Variants in CHAT observed in about 807,000 individuals in gnomAD.
CHAT encodes acetyl CoA:choline O-acetyltransferase.
In CHAT, 61 loss-of-function variants were observed where a neutral mutation model predicts 76.9. The observed-to-expected ratio is 0.79, with a 90% CI of 0.65 to 0.98. CHAT has a LOEUF of 0.98. Ranked by LOEUF, CHAT falls within the 50% of genes least tolerant of loss-of-function variation. The probability of loss-of-function intolerance (pLI) is 0.00; values close to 1 mark genes in which losing one functional copy is unlikely to be tolerated. For missense variants in CHAT, 946 were observed against 986.9 expected, an observed-to-expected ratio of 0.96 and a Z score of 0.56; for synonymous variants, 407 against 397.4, an observed-to-expected ratio of 1.02 and a Z score of -0.29.
At chr10:49,611,445 CTA>C, upstream of CHAT, 1 of 1,598,278 alleles carries the variant, frequency 6.3e-7, no homozygotes, top group Non-Finnish European at 8.5e-7. Context: ...GGGGCATCCT[CTA>C]TGAGTTCGCC....
At chr10:49,617,336 T>C (rs1208329305) in intron 2 of CHAT, among the ~76,000 whole-genome samples, 1 of 152,162 alleles carries the variant, frequency 6.6e-6, no homozygotes, top group African/African-American at 2.4e-5. Flanking sequence ...ACCCACCCCA[T>C]TGGGCTGTGG....
At chr10:49,642,580 C>T (rs1292188020) in intron 7 of CHAT, among the ~76,000 whole-genome samples, 1 of 152,230 alleles carries the variant, frequency 6.6e-6, no homozygotes, top group Non-Finnish European at 1.5e-5. Flanking sequence ...TTGCATTGCC[C>T]AGTTAAAAAG....
At chr10:49,649,290 G>A (rs1284969884) in intron 9 of CHAT, among the ~76,000 whole-genome samples, 4 of 152,208 alleles carry the variant, frequency 2.6e-5, no homozygotes, top group South Asian at 2.1e-4. Context: ...GGAGTCAGGC[G>A]GAACTGGATG....
intron 9 of CHAT, among the ~76,000 whole-genome samples, 175 bp from the exon 10 acceptor site, chr10:49,649,333 G>A (rs1218108090): frequency 6.6e-6 from 1 of 152,210 alleles, no homozygotes; most frequent in Non-Finnish European, 1.5e-5. Flanking sequence ...TGATTTTGGT[G>A]GCCTCTCTGA....
At chr10:49,611,002 G>A, upstream of CHAT, 1 of 1,613,400 alleles carries the variant, frequency 6.2e-7, no homozygotes, top group South Asian at 1.1e-5. Flanking sequence ...GCCCACTCCG[G>A]CCAATGCCAG....
At chr10:49,661,703 A>G (rs1272066700) in intron 13 of CHAT, among the ~76,000 whole-genome samples, 1 of 152,094 alleles carries the variant, frequency 6.6e-6, no homozygotes, top group Non-Finnish European at 1.5e-5. Flanking sequence ...AGTGATTACT[A>G]TGGGTCAGGG....
chr10:49,649,785 C>T, intron 10 of CHAT, 149 bp downstream of exon 10: 1 of 764,856 alleles, frequency 1.3e-6, no homozygotes, highest in East Asian at 3.0e-5. Context: ...CTCATGTAGT[C>T]AAATTAAAGG....
intron 7 of CHAT, among the ~76,000 whole-genome samples, chr10:49,644,022 G>A (rs762952657): frequency 2.0e-5 from 3 of 152,220 alleles, no homozygotes; most frequent in African/African-American, 7.2e-5. Flanking sequence ...GGCACCTCTG[G>A]GCTCAGGTGC....
At chr10:49,648,658 G>T in intron 9 of CHAT, 51 bp downstream of exon 9, 1 of 1,226,002 alleles carries the variant, frequency 8.2e-7, no homozygotes. Flanking sequence ...AATGTGGGTG[G>T]TCGCTGGGGG....
chr10:49,640,974 G>C (rs752097168), intron 7 of CHAT, among the ~76,000 whole-genome samples: 2 of 152,178 alleles, frequency 1.3e-5, no homozygotes, highest in Non-Finnish European at 2.9e-5. Context: ...CTGTAGAGCT[G>C]GCATAACAAT....
intron 14 of CHAT, 142 bp downstream of exon 14, chr10:49,662,924 T>C: frequency 9.4e-7 from 1 of 1,067,498 alleles, no homozygotes. Flanking sequence ...CAAAATGATC[T>C]GAATGTTCAT....
At chr10:49,630,717 G>A (rs569697242) in intron 7 of CHAT, among the ~76,000 whole-genome samples, 34 of 152,190 alleles carry the variant, frequency 2.2e-4, no homozygotes, top group Admixed American at 5.9e-4. Context: ...GATGAATGGA[G>A]GGGTGGAATT....
chr10:49,663,085 C>T (rs1016132671), intron 14 of CHAT, among the ~76,000 whole-genome samples: 24 of 152,080 alleles, frequency 1.6e-4, no homozygotes, highest in Non-Finnish European at 2.8e-4. Context: ...TAAAAATTAG[C>T]TGGGCATGGT....
chr10:49,618,406 A>G (rs1417231438), intron 2 of CHAT, among the ~76,000 whole-genome samples: 1 of 152,194 alleles, frequency 6.6e-6, no homozygotes, highest in Non-Finnish European at 1.5e-5. Flanking sequence ...ATTTTACAGG[A>G]GAAGAAACTG....
chr10:49,611,257 G>C, upstream of CHAT: 1 of 1,612,846 alleles, frequency 6.2e-7, no homozygotes, highest in Non-Finnish European at 8.5e-7. Context: ...CGCCTTCGCC[G>C]AGGACTACGC....
chr10:49,610,755 A>G (rs1463381486), upstream of CHAT: 1 of 1,530,302 alleles, frequency 6.5e-7, no homozygotes, highest in Non-Finnish European at 8.8e-7. Context: ...AATCCGCGGA[A>G]CCTGCGGGCC....
intron 7 of CHAT, among the ~76,000 whole-genome samples, chr10:49,643,897 G>A (rs547484072): frequency 2.8e-4 from 43 of 152,348 alleles, no homozygotes; most frequent in African/African-American, 1.0e-3. Context: ...TATGGGGGAG[G>A]GGACCAGACC....
At chr10:49,615,787 C>T (rs2132699688) in intron 1 of CHAT, 2 of 546,466 alleles carry the variant, frequency 3.7e-6, no homozygotes, top group Non-Finnish European at 6.5e-6. Context: ...GCAGGTGGCC[C>T]CTAGGGGCCC....
At chr10:49,610,761 G>C (rs772890490), upstream of CHAT, 2 of 1,540,036 alleles carry the variant, frequency 1.3e-6, no homozygotes, top group East Asian at 2.3e-5. Context: ...CGGAACCTGC[G>C]GGCCAGGCCC....
Sources: gnomAD v4.1 joint callset for allele counts (sites outside exome capture counted in the v4.1 genomes callset) on GRCh38, gnomAD v4.1.1 for gene constraint, MANE v1.5 for transcripts, NCBI Gene and HGNC (gene_info 2026-07-23, HGNC 2026-07-21) for gene names.